The following DIPK1B variants were observed in gnomAD, a reference collection of about 807,000 sequenced individuals.
The protein encoded by DIPK1B is divergent protein kinase domain 1B.
In DIPK1B, 17 loss-of-function variants were observed where a neutral mutation model predicts 20.7. The ratio of observed to expected loss-of-function variants is 0.82; its 90% CI spans 0.56 to 1.23. The LOEUF is 1.23. Among genes scored for constraint, DIPK1B ranks in the 50% most tolerant of loss-of-function variants. The pLI, the probability that DIPK1B is intolerant of heterozygous loss-of-function variation, is 0.00. For synonymous variants in DIPK1B, 343 were observed against 276.5 expected (o/e 1.24, Z -2.39); for missense variants, 648 against 601.8 (o/e 1.08, Z -0.80).
intron 1 of DIPK1B, 64 bp from the exon 2 acceptor site, chr9:136,717,513 G>A: frequency 6.4e-7 from 1 of 1,558,178 alleles, no homozygotes; most frequent in South Asian, 1.1e-5. Context: ...GGGAAGTGGG[G>A]TTGAGAGCAC....
At chr9:136,717,462 T>C in intron 1 of DIPK1B, 115 bp from the exon 2 acceptor site, 2 of 1,249,752 alleles carry the variant, frequency 1.6e-6, no homozygotes, top group Non-Finnish European at 2.2e-6. Flanking sequence ...GCCAAGGGGA[T>C]GGCAGGGGAA....
Position 136,712,761 on chromosome 9 carries a change from G to A in DIPK1B, c.63+33G>A, listed in dbSNP as rs1046161455. 5 of 1,303,862 alleles carry A rather than the reference G, an allele frequency of 3.8e-6. No homozygotes were observed. In the African/African-American group the frequency reaches 4.6e-5, roughly 12 times the overall value. 80.8% of individuals were successfully genotyped at this position (1,303,862 alleles called of 1,614,324 possible). ...CGGTGCGCGCCCGCCGCCCCCGGCCGCCTCTGCCTGGGGAGGCCGAGCTCC... is the reference window on the plus strand; with the variant it reads ...CGGTGCGCGCCCGCCGCCCCCGGCCACCTCTGCCTGGGGAGGCCGAGCTCC... On this transcript the variant is annotated intron_variant, in intron 1 of 4. Coordinates refer to ENST00000371692, the MANE Select transcript of DIPK1B (RefSeq NM_152421.4). This position sits in a 1 kb window ranked among gnomAD's most constrained non-coding sequence, Gnocchi z 5.6.
Position 136,724,575 on chromosome 9 carries a change from T to C in DIPK1B, c.*801T>C, listed in dbSNP as rs1272937376. The C allele has an allele frequency of 1.3e-5, 2 of 152,258 alleles. No individual in the cohort carries two copies. The highest frequency in any genetic ancestry group is 2.1e-4 in the South Asian group (1 of 4,834). The allele number at this position is 152,258 out of a possible 1,614,324, so 9.4% of individuals were successfully genotyped here. A position where few individuals can be genotyped will look rare whatever the true frequency, so the allele number is the denominator to read the frequency against. On this transcript the variant is annotated 3_prime_UTR_variant, in exon 5 of 5. Transcript: ENST00000371692. ...TCAGGGCGGGCTCTGCTCCGCAATG[T>C]GTGAGTCAAGACAATCCATTCCATT...
chr9:136,713,892 C>T (rs370505495), intron 1 of DIPK1B, among the ~76,000 whole-genome samples: 102 of 152,292 alleles, frequency 6.7e-4, no homozygotes, highest in African/African-American at 2.2e-3. Flanking sequence ...TCCTGGCCCA[C>T]GGTCTGAGCC....
chr9:136,723,085 C>T lies in DIPK1B; in HGVS notation c.607C>T (p.Arg203Cys), dbSNP rs774596224. 1.4e-5 allele frequency: 23 copies of T among 1,613,504 alleles called. No homozygotes were observed. The Middle Eastern group carries it at 6.6e-4, about 46-fold the overall frequency. ...EAKSVWALLQ[R>C]NEFLLLLSLQ... The stretch of plus-strand genomic sequence containing the variant: ...CAAGTCCGTGTGGGCCCTGCTGCAG[C>T]GTAACGAGTTCCTGCTGCTGCTGTC... Residue 203 changes from arginine to cysteine, a missense_variant, in exon 5 of 5, where the codon CGT becomes TGT. Transcript: ENST00000371692.
At chr9:136,722,831 G>A (rs543189036) in intron 4 of DIPK1B, 131 bp from the exon 5 acceptor site, 359 of 888,894 alleles carry the variant, frequency 4.0e-4, no homozygotes, top group African/African-American at 1.3e-3. Flanking sequence ...CTGTGGGCTG[G>A]GACCCCTAAC....
chr9:136,720,683 TTG>T, intron 2 of DIPK1B, among the ~76,000 whole-genome samples: 1 of 152,234 alleles, frequency 6.6e-6, no homozygotes, highest in Middle Eastern at 3.4e-3. Context: ...CCCGGAGTCA[TTG>T]TGGGGCCCCA....
chr9:136,721,607 G>A (rs141862791), intron 2 of DIPK1B: 8 of 329,648 alleles, frequency 2.4e-5, no homozygotes, highest in Admixed American at 4.4e-5. Flanking sequence ...TGGCCCTGGC[G>A]TGGGGTCGAC....
rs1467456359 is a variant in DIPK1B at position 136,717,711 on chromosome 9, T to C, written c.198T>C (p.Ile66=). 6.2e-7 allele frequency: 1 copy of C among 1,611,134 alleles called. No individual in the cohort carries two copies. Among genetic ancestry groups the C allele is most frequent in the Non-Finnish European group, 8.5e-7 (1 of 1,179,898 alleles). The change falls in exon 2 of 5, where the codon ATT becomes ATC. Residue 66 remains isoleucine, a splice_region_variant and synonymous_variant. Transcript: ENST00000371692. ...GCGGCCATGTCTGCCAGGTGGTCAT[T>C]GTAAGTGTTGCTTGTGCGGGCTGGG... ...RCRGHVCQVV[I]CDQYRKGIIS...
intron 2 of DIPK1B, chr9:136,721,238 C>G (rs1032547772): frequency 6.6e-6 from 1 of 152,454 alleles, no homozygotes; most frequent in Non-Finnish European, 1.5e-5. Flanking sequence ...CCATCCATCG[C>G]TCTGGCACCA....
intron 1 of DIPK1B, 79 bp from the exon 2 acceptor site, chr9:136,717,498 C>T: frequency 6.6e-7 from 1 of 1,519,414 alleles, no homozygotes; most frequent in South Asian, 1.2e-5. Flanking sequence ...GGAGGCCCTT[C>T]CTGTGGGAAG....
At chr9:136,718,425 G>A (rs1382331659) in intron 2 of DIPK1B, among the ~76,000 whole-genome samples, 2 of 152,168 alleles carry the variant, frequency 1.3e-5, no homozygotes, top group African/African-American at 4.8e-5. Flanking sequence ...GTGAGCATGT[G>A]TGTGTCTGGG....
intron 2 of DIPK1B, among the ~76,000 whole-genome samples, chr9:136,718,350 G>C (rs1032287245): frequency 6.6e-6 from 1 of 152,160 alleles, no homozygotes; most frequent in Non-Finnish European, 1.5e-5. Flanking sequence ...CCCTGAGGCA[G>C]GTGGCAGGGC....
Position 136,723,425 on chromosome 9 carries a change from T to C in DIPK1B, c.947T>C (p.Leu316Pro), listed in dbSNP as rs1347479222. The C allele has an allele frequency of 1.2e-6, 2 of 1,612,160 alleles. No homozygotes were observed. The highest frequency in any genetic ancestry group is 2.7e-5 in the African/African-American group (2 of 74,914). ...TATYDFKMAD[L>P]QQVAPEATVR... Reference sequence around the variant, plus strand: ...ACCTACGACTTCAAGATGGCCGACCTGCAGCAGGTGGCACCCGAGGCCACC... The same window carrying C: ...ACCTACGACTTCAAGATGGCCGACCCGCAGCAGGTGGCACCCGAGGCCACC... The change falls in exon 5 of 5, where the codon CTG (leucine) becomes CCG (proline). Residue 316 changes from leucine to proline, a missense_variant. Physicochemically the swap from Leu to Pro is moderately conservative, Grantham distance 98. Transcript: ENST00000371692.
In DIPK1B at chr9:136,722,185, C is replaced by G; in HGVS notation, c.367C>G (p.Leu123Val). The change falls in exon 4 of 5, where the codon CTC becomes GTC. Residue 123 changes from leucine to valine, a missense_variant. Leu to Val is a conservative substitution (Grantham distance 32). Coordinates refer to ENST00000371692, the MANE Select transcript of DIPK1B (RefSeq NM_152421.4). The part of the protein sequence containing the change: ...VTIKCGIEET[L>V]DSKARSDAAP... Reference sequence around the variant, plus strand: ...CATCAAGTGTGGCATTGAGGAGACCCTCGACTCCAAGGCCCGGTCGGATGC... The same window carrying G: ...CATCAAGTGTGGCATTGAGGAGACCGTCGACTCCAAGGCCCGGTCGGATGC... 1 of 1,613,960 alleles carries G rather than the reference C, an allele frequency of 6.2e-7. No homozygotes were observed. Among genetic ancestry groups the G allele is most frequent in the Non-Finnish European group, 8.5e-7 (1 of 1,179,920 alleles).
intron 2 of DIPK1B, among the ~76,000 whole-genome samples, chr9:136,717,936 T>C (rs1474933084): frequency 6.2e-5 from 1 of 16,210 alleles, no homozygotes; most frequent in African/African-American, 2.6e-4. Flanking sequence ...GTGTGGAGGA[T>C]GGGGGTCCAG....
Position 136,717,646 on chromosome 9 carries a change from C to T in DIPK1B, c.133C>T (p.Leu45=), listed in dbSNP as rs1239291310. Residue 45 remains leucine (L), a synonymous_variant, in exon 2 of 5, where the codon CTG becomes TTG. Coordinates refer to ENST00000371692, the MANE Select transcript of DIPK1B (RefSeq NM_152421.4). ...GCTGGGCGTCTTTGCAGGCAGCTGG[C>T]TGGTGTACGTGCACTACTCGTCCTA... is the stretch of plus-strand genomic sequence containing the variant. The part of the protein sequence containing the change: ...AWLGVFAGSW[L]VYVHYSSYSE... 2 of 1,608,146 alleles carry T rather than the reference C, an allele frequency of 1.2e-6. No homozygotes were observed. The highest frequency in any genetic ancestry group is 2.2e-5 in the East Asian group (1 of 44,880).
chr9:136,724,021 A>C lies in DIPK1B; in HGVS notation c.*247A>C. 7.3e-6 allele frequency: 4 copies of C among 550,398 alleles called. No homozygotes were observed. The highest frequency in any genetic ancestry group is 1.3e-5 in the Non-Finnish European group (4 of 306,380). 34.1% of individuals were successfully genotyped at this position (550,398 alleles called of 1,614,324 possible). A position where few individuals can be genotyped will look rare whatever the true frequency, so the allele number is the denominator to read the frequency against. On this transcript the variant is annotated 3_prime_UTR_variant, in exon 5 of 5. Coordinates refer to ENST00000371692, the MANE Select transcript of DIPK1B (RefSeq NM_152421.4). ...TTACTCTGAAGAACGTAATGTCAAT[A>C]AACAGCTTTTATGTAATGCCCAGGG...
intron 2 of DIPK1B, chr9:136,721,264 G>A (rs1403696353): frequency 6.6e-6 from 1 of 152,432 alleles, no homozygotes; most frequent in African/African-American, 2.4e-5. Context: ...CCACCCTTTT[G>A]TTCTTCCTGG....
Sources: gnomAD v4.1 joint callset for allele counts (sites outside exome capture counted in the v4.1 genomes callset) on GRCh38, gnomAD v4.1.1 for gene constraint, Gnocchi (gnomAD v3.1) non-coding constraint, MANE v1.5 for transcripts, NCBI Gene and HGNC (gene_info 2026-07-23, HGNC 2026-07-21) for gene names.